PCDHA1: variants seen among roughly 807,000 people sequenced by gnomAD.
PCDHA1 encodes the protein protocadherin alpha-1.
Under a neutral mutation model 61.3 loss-of-function variants are expected in PCDHA1, and 42 were observed. The observed-to-expected ratio is 0.69, with a 90% CI of 0.54 to 0.89. The LOEUF is 0.89. Among genes scored for constraint, PCDHA1 ranks in the 40% least tolerant of loss-of-function variants. The pLI is 0.00. For synonymous variants in PCDHA1, 610 were observed against 553.8 expected, an observed-to-expected ratio of 1.10 and a Z score of -1.43; for missense variants, 1,256 against 1,235.3, an observed-to-expected ratio of 1.02 and a Z score of -0.25.
Position 140,787,010 on chromosome 5 carries a change from A to G in PCDHA1, c.720A>G (p.Pro240=). Residue 240 remains proline (P), a synonymous_variant, in exon 1 of 4, where the codon CCA becomes CCG. Coordinates refer to ENST00000504120, the MANE Select transcript of PCDHA1 (RefSeq NM_018900.4). ...TCCTCGACGTTAATGATAACGCCCC[A>G]CTGTTTGACCAGGCCGTATACAGAG... ...ITVLDVNDNA[P]LFDQAVYRVH... The G allele has an allele frequency of 6.2e-7, 1 of 1,614,132 alleles. No individual in the cohort carries two copies. The highest frequency in any genetic ancestry group is 8.5e-7 in the Non-Finnish European group (1 of 1,180,008).
chr5:140,926,793 G>T (rs2083556626), intron 1 of PCDHA1: 2 of 1,444,034 alleles, frequency 1.4e-6, no homozygotes, highest in Admixed American at 5.5e-5. Flanking sequence ...CGGCAGGAGC[G>T]TGCTCTTCCC....
chr5:140,849,729 G>C lies in PCDHA1; in HGVS notation c.2394+61045G>C, dbSNP rs1180272167. 2.5e-6 allele frequency: 4 copies of C among 1,598,492 alleles called. 1 individual carries two copies. Among genetic ancestry groups the C allele is most frequent in the Non-Finnish European group, 3.4e-6 (4 of 1,168,006 alleles). On this transcript the variant is annotated intron_variant, in intron 1 of 3. Coordinates refer to ENST00000504120, the MANE Select transcript of PCDHA1 (RefSeq NM_018900.4). Reference sequence around the variant, plus strand: ...TTACTACTCGTTGGTGCTGGACAGAGCTCTGGACCGCGAGAGTGTGTCCGC... The same window carrying C: ...TTACTACTCGTTGGTGCTGGACAGACCTCTGGACCGCGAGAGTGTGTCCGC...
chr5:140,927,682 T>C, intron 1 of PCDHA1: 1 of 1,613,992 alleles, frequency 6.2e-7, no homozygotes, highest in Non-Finnish European at 8.5e-7. Flanking sequence ...AGATGAAGGG[T>C]CCAATGGGGA....
intron 1 of PCDHA1, among the ~76,000 whole-genome samples, chr5:140,832,218 GGA>G (rs1345967956): frequency 6.6e-6 from 1 of 152,174 alleles, no homozygotes; most frequent in Non-Finnish European, 1.5e-5. Context: ...GTGATTTCCT[GGA>G]GTTGGTTTTG....
intron 1 of PCDHA1, among the ~76,000 whole-genome samples, chr5:140,914,207 A>C (rs1485868934): frequency 6.6e-6 from 1 of 152,060 alleles, no homozygotes; most frequent in Admixed American, 6.6e-5. Context: ...TGTGATCTCT[A>C]TCTCTCTTTT....
At chr5:140,995,488 C>T (rs1402273935) in intron 3 of PCDHA1, among the ~76,000 whole-genome samples, 26 of 152,182 alleles carry the variant, frequency 1.7e-4, no homozygotes, top group Admixed American at 1.6e-3. Context: ...TATTTTCAGA[C>T]TAAGGTTGAC....
intron 1 of PCDHA1, among the ~76,000 whole-genome samples, chr5:140,975,611 A>C (rs191363875): frequency 7.0e-4 from 106 of 152,356 alleles, no homozygotes; most frequent in African/African-American, 2.4e-3. Flanking sequence ...GATGTCTTCC[A>C]CATGGATTTC....
At chr5:140,971,466 G>A (rs928383559) in intron 1 of PCDHA1, among the ~76,000 whole-genome samples, 2 of 152,144 alleles carry the variant, frequency 1.3e-5, no homozygotes, top group Non-Finnish European at 2.9e-5. Flanking sequence ...GCAGTTATAG[G>A]GAGAGAGTGT....
At chr5:140,969,919 T>C (rs773906362) in intron 1 of PCDHA1, among the ~76,000 whole-genome samples, 1 of 152,198 alleles carries the variant, frequency 6.6e-6, no homozygotes, top group South Asian at 2.1e-4. Flanking sequence ...GATAAAGCTG[T>C]AGTATTTAGA....
At chr5:140,828,106 G>A in intron 1 of PCDHA1, 4 of 1,610,640 alleles carry the variant, frequency 2.5e-6, no homozygotes, top group Non-Finnish European at 3.4e-6. Context: ...TGTTTACCCC[G>A]GAGGATAGAT....
intron 1 of PCDHA1, chr5:140,859,976 T>C (rs2046117770): frequency 6.6e-6 from 1 of 151,980 alleles, no homozygotes; most frequent in African/African-American, 2.4e-5. Context: ...GGTATACAAG[T>C]GCATTAATCT....
intron 1 of PCDHA1, chr5:140,804,763 T>C (rs1030338328): frequency 1.6e-4 from 39 of 241,298 alleles, no homozygotes; most frequent in African/African-American, 8.3e-4. Flanking sequence ...TAGCAATTAG[T>C]TGGACTCCCA....
At chr5:140,829,503 G>C (rs2150169106) in intron 1 of PCDHA1, 4 of 1,613,554 alleles carry the variant, frequency 2.5e-6, no homozygotes, top group Non-Finnish European at 2.5e-6. Flanking sequence ...AACCCGCCGG[G>C]CTGCCACATC....
intron 1 of PCDHA1, chr5:140,834,145 G>C (rs1260830978): frequency 1.9e-6 from 1 of 519,062 alleles, no homozygotes; most frequent in African/African-American, 1.9e-5. Context: ...TTAATAGTTT[G>C]TAATGGTTTG....
At chr5:140,921,534 G>A (rs1413381073) in intron 1 of PCDHA1, among the ~76,000 whole-genome samples, 3 of 152,130 alleles carry the variant, frequency 2.0e-5, no homozygotes, top group African/African-American at 7.2e-5. Context: ...TCTGCTGATA[G>A]AACATTCTGC....
chr5:140,928,893 T>C (rs1554206469), intron 1 of PCDHA1: 1 of 1,614,052 alleles, frequency 6.2e-7, no homozygotes, highest in African/African-American at 1.3e-5. Flanking sequence ...TTCCAGACTT[T>C]GAAGATGTCT....
At chr5:140,968,965 C>T in intron 1 of PCDHA1, 1 of 1,614,208 alleles carries the variant, frequency 6.2e-7, no homozygotes, top group Non-Finnish European at 8.5e-7. Context: ...AGTGCTACCG[C>T]TACACTGCGT....
At chr5:140,997,097 T>G (rs1222829529) in intron 3 of PCDHA1, among the ~76,000 whole-genome samples, 10 of 152,156 alleles carry the variant, frequency 6.6e-5, no homozygotes, top group Admixed American at 5.2e-4. Context: ...TGCAGAGTTC[T>G]CATGCACTCC....
At chr5:140,904,399 T>C (rs1583526237) in intron 1 of PCDHA1, among the ~76,000 whole-genome samples, 1 of 151,316 alleles carries the variant, frequency 6.6e-6, no homozygotes, top group East Asian at 1.9e-4. Flanking sequence ...TTCCATGGTG[T>C]ATTATATATA....
Sources: gnomAD v4.1 joint callset for allele counts (sites outside exome capture counted in the v4.1 genomes callset) on GRCh38, gnomAD v4.1.1 for gene constraint, MANE v1.5 for transcripts, NCBI Gene and HGNC (gene_info 2026-07-23, HGNC 2026-07-21) for gene names.